C7orf78: variants seen among roughly 807,000 people sequenced by gnomAD.
C7orf78 encodes the protein putative uncharacterized protein C7orf78.
chr7:12,493,252 G>A, the C7orf78 span, among the ~76,000 whole-genome samples: 2 of 152,196 alleles, frequency 1.3e-5, no homozygotes, highest in South Asian at 2.1e-4. Flanking sequence ...TAAAGGATAT[G>A]TAGTGTTTTA....
chr7:12,514,581 GTTCATTGTTTTCTGGCTGTTTTAT>G, the C7orf78 span, among the ~76,000 whole-genome samples: 2 of 151,754 alleles, frequency 1.3e-5, no homozygotes, highest in African/African-American at 4.8e-5. Context: ...CTGTCATATT[GTTCATTGTTTTCTGGCTGTTTTAT>G]ATATTCTTTA....
the C7orf78 span, among the ~76,000 whole-genome samples, chr7:12,503,118 G>T: frequency 3.6e-5 from 5 of 138,782 alleles, no homozygotes; most frequent in African/African-American, 1.4e-4. Flanking sequence ...AGCATTGGGA[G>T]ATATACCTAA....
chr7:12,503,447 A>G, the C7orf78 span, among the ~76,000 whole-genome samples: 1 of 152,038 alleles, frequency 6.6e-6, no homozygotes, highest in Non-Finnish European at 1.5e-5. Context: ...AAATATTATG[A>G]TGCTTCAAAA....
the C7orf78 span, among the ~76,000 whole-genome samples, chr7:12,533,673 C>T: frequency 4.3e-3 from 655 of 152,122 alleles, 6 homozygotes; most frequent in African/African-American, 0.015. Flanking sequence ...CCCGCCACCA[C>T]GCCCAGCTAA....
chr7:12,512,814 C>A, the C7orf78 span, among the ~76,000 whole-genome samples: 1 of 152,032 alleles, frequency 6.6e-6, no homozygotes, highest in Non-Finnish European at 1.5e-5. Context: ...TTTGTATTTT[C>A]TTTGCTGAGA....
the C7orf78 span, among the ~76,000 whole-genome samples, chr7:12,502,634 G>A: frequency 2.0e-5 from 3 of 151,638 alleles, no homozygotes; most frequent in African/African-American, 4.9e-5. Context: ...CATTGTTGGT[G>A]GGACTGTAAA....
the C7orf78 span, among the ~76,000 whole-genome samples, chr7:12,485,927 A>T: frequency 3.9e-5 from 6 of 152,272 alleles, no homozygotes; most frequent in African/African-American, 1.4e-4. Flanking sequence ...AAGGAGATAG[A>T]TCCGATAAAT....
At chr7:12,541,495 TG>T in the C7orf78 span, 14 of 152,070 alleles carry the variant, frequency 9.2e-5, no homozygotes, top group East Asian at 2.7e-3. Context: ...GAAATATAAA[TG>T]GGGCACTTTC....
chr7:12,521,086 C>G, the C7orf78 span, among the ~76,000 whole-genome samples: 1 of 152,062 alleles, frequency 6.6e-6, no homozygotes, highest in Non-Finnish European at 1.5e-5. Flanking sequence ...TCTATCCCTT[C>G]ATTTTCAGTC....
At chr7:12,542,104 T>C in the C7orf78 span, 8 of 152,314 alleles carry the variant, frequency 5.3e-5, no homozygotes, top group African/African-American at 1.9e-4. Flanking sequence ...TTTAATGCTA[T>C]TGCCAGTTTT....
At chr7:12,495,646 C>A in the C7orf78 span, among the ~76,000 whole-genome samples, 1 of 152,096 alleles carries the variant, frequency 6.6e-6, no homozygotes, top group Non-Finnish European at 1.5e-5. Context: ...TAAAGAAAGT[C>A]TCTTGTTTTT....
chr7:12,531,181 T>G, the C7orf78 span: 1 of 396,492 alleles, frequency 2.5e-6, no homozygotes, highest in Non-Finnish European at 4.4e-6. Flanking sequence ...AAAACATATT[T>G]TATCATATAA....
the C7orf78 span, among the ~76,000 whole-genome samples, chr7:12,537,466 C>G: frequency 6.6e-6 from 1 of 152,108 alleles, no homozygotes; most frequent in Non-Finnish European, 1.5e-5. Flanking sequence ...ACAGCCAAAC[C>G]ATATCAATAG....
chr7:12,520,808 C>T, the C7orf78 span, among the ~76,000 whole-genome samples: 2 of 152,074 alleles, frequency 1.3e-5, no homozygotes, highest in Non-Finnish European at 2.9e-5. Flanking sequence ...CTGTTTATTT[C>T]TAAAAGTGGA....
chr7:12,528,923 A>C, the C7orf78 span: 4 of 398,352 alleles, frequency 1.0e-5, no homozygotes, highest in Non-Finnish European at 1.8e-5. Context: ...CAGTTACCGA[A>C]AGATGATAAA....
chr7:12,540,449 A>G, the C7orf78 span, among the ~76,000 whole-genome samples: 2 of 152,196 alleles, frequency 1.3e-5, no homozygotes, highest in Non-Finnish European at 2.9e-5. Context: ...TCATTTTCAT[A>G]GGCATAACCT....
chr7:12,540,492 G>T, the C7orf78 span, among the ~76,000 whole-genome samples: 3 of 150,922 alleles, frequency 2.0e-5, no homozygotes, highest in Non-Finnish European at 4.4e-5. Flanking sequence ...GCAGTGTTTA[G>T]TCAGGTATTA....
the C7orf78 span, among the ~76,000 whole-genome samples, chr7:12,484,823 T>C: frequency 6.6e-6 from 1 of 150,908 alleles, no homozygotes; most frequent in Non-Finnish European, 1.5e-5. Flanking sequence ...GCTTCTTTTA[T>C]GTTACTTGGA....
chr7:12,499,636 C>T, the C7orf78 span, among the ~76,000 whole-genome samples: 2 of 151,082 alleles, frequency 1.3e-5, no homozygotes, highest in African/African-American at 2.4e-5. Context: ...TAATGGGAGA[C>T]TTTAACACCC....
Sources: allele counts gnomAD v4.1 joint callset (sites outside exome capture counted in the v4.1 genomes callset), GRCh38; gene constraint gnomAD v4.1.1; transcripts MANE v1.5; gene names NCBI Gene and HGNC (gene_info 2026-07-23, HGNC 2026-07-21).